SCN2A: variants seen among roughly 807,000 people sequenced by gnomAD.
SCN2A encodes sodium voltage-gated channel alpha subunit 2.
SCN2A carries 20 observed loss-of-function variants against 188.7 expected under a neutral mutation model. That is an observed-to-expected ratio of 0.11 (90% CI 0.07 to 0.15). The LOEUF (loss-of-function observed/expected upper bound fraction) is 0.15. SCN2A is among the 10% of genes least tolerant of loss of function. The pLI is 1.00. For missense variants in SCN2A, 1,278 were observed against 2,445.0 expected, an observed-to-expected ratio of 0.52 and a Z score of 10.07; for synonymous variants, 804 against 833.1, an observed-to-expected ratio of 0.97 and a Z score of 0.60.
chr2:165,314,956 A>G (rs1345463959), intron 10 of SCN2A, among the ~76,000 whole-genome samples: 1 of 152,168 alleles, frequency 6.6e-6, no homozygotes. Context: ...ACTCTGTATT[A>G]TGTCTTTGCT....
chr2:165,314,585 C>T (rs970680049), intron 10 of SCN2A, among the ~76,000 whole-genome samples: 1 of 152,138 alleles, frequency 6.6e-6, no homozygotes, highest in Admixed American at 6.5e-5. Flanking sequence ...AATATTTGTT[C>T]TCTTTTATAT....
intron 1 of SCN2A, chr2:165,267,049 G>A (rs570219846): frequency 3.3e-4 from 50 of 152,140 alleles, no homozygotes; most frequent in African/African-American, 1.2e-3. Context: ...CGAGTGGAAA[G>A]AATTAATGTT....
intron 25 of SCN2A, among the ~76,000 whole-genome samples, chr2:165,382,625 A>G (rs558919328): frequency 6.6e-6 from 1 of 152,272 alleles, no homozygotes; most frequent in South Asian, 2.1e-4. Context: ...CTGTTATGAA[A>G]CACAGGAAAA....
intron 13 of SCN2A, among the ~76,000 whole-genome samples, chr2:165,328,986 C>CTTTTTT (rs1269103949): frequency 3.2e-4 from 29 of 89,378 alleles, no homozygotes; most frequent in Admixed American, 1.1e-3. Context: ...TAAGATAGTC[C>CTTTTTT]TTTTTTTTTT....
chr2:165,246,465 C>A (rs1308652450), intron 1 of SCN2A, among the ~76,000 whole-genome samples: 5 of 152,120 alleles, frequency 3.3e-5, no homozygotes, highest in Admixed American at 6.6e-5. Flanking sequence ...ACATCCTACA[C>A]CACCTTTCTA....
chr2:165,335,030 A>G (rs1459133470), intron 14 of SCN2A, among the ~76,000 whole-genome samples: 1 of 151,700 alleles, frequency 6.6e-6, no homozygotes, highest in Non-Finnish European at 1.5e-5. Context: ...ATAATAAAAT[A>G]CTTAGGAATA....
intron 1 of SCN2A, among the ~76,000 whole-genome samples, chr2:165,243,331 A>C (rs768274564): frequency 1.3e-5 from 2 of 152,086 alleles, no homozygotes; most frequent in Non-Finnish European, 2.9e-5. Context: ...GGCCGGGTGC[A>C]GTGACTTATG....
chr2:165,331,021 G>A (rs2105292496), intron 13 of SCN2A, among the ~76,000 whole-genome samples: 1 of 152,246 alleles, frequency 6.6e-6, no homozygotes, highest in East Asian at 1.9e-4. Flanking sequence ...AGCTTTAAGT[G>A]TATGCAATGC....
At chr2:165,358,865 T>C (rs1700309311) in intron 17 of SCN2A, among the ~76,000 whole-genome samples, 1 of 152,102 alleles carries the variant, frequency 6.6e-6, no homozygotes, top group Non-Finnish European at 1.5e-5. Context: ...GCAATAAACG[T>C]AACATCATTC....
At chr2:165,256,067 G>A (rs745348311) in intron 1 of SCN2A, among the ~76,000 whole-genome samples, 11 of 144,096 alleles carry the variant, frequency 7.6e-5, no homozygotes, top group South Asian at 2.2e-4. Context: ...GTGCAGTGGC[G>A]CAGTCTCGGC....
intron 20 of SCN2A, 86 bp downstream of exon 20, chr2:165,370,385 G>A (rs1700963727): frequency 7.8e-7 from 1 of 1,276,284 alleles, no homozygotes; most frequent in Non-Finnish European, 1.1e-6. Context: ...TAGGCACTCA[G>A]TAACACTGTA....
intron 1 of SCN2A, among the ~76,000 whole-genome samples, chr2:165,264,726 T>G (rs1454724209): frequency 6.6e-6 from 1 of 152,142 alleles, no homozygotes; most frequent in Non-Finnish European, 1.5e-5. Flanking sequence ...ATATTTGGTT[T>G]TCTGTTCCTG....
chr2:165,267,941 C>A (rs963601125), intron 1 of SCN2A: 4 of 151,816 alleles, frequency 2.6e-5, no homozygotes, highest in African/African-American at 9.7e-5. Context: ...ATCAAAAGAA[C>A]AAAAGATAAG....
Position 165,297,133 on chromosome 2 carries a change from T to C in SCN2A, c.384T>C (p.His128=). The stretch of plus-strand genomic sequence containing the variant: ...AATTAGCTATTAAGATTTTGGTACA[T>C]TCATATCCTTTTTCAAATCGTCACT... ...IRKLAIKILV[H]SLFNMLIMCT... Residue 128 remains histidine, a splice_region_variant and synonymous_variant, in exon 3 of 27, where the codon CAT becomes CAC. Transcript: ENST00000375437. The C allele has an allele frequency of 6.7e-7, 1 of 1,491,550 alleles. No individual in the cohort carries two copies. Among genetic ancestry groups the C allele is most frequent in the Non-Finnish European group, 9.4e-7 (1 of 1,069,124 alleles). 92.4% of individuals were successfully genotyped at this position (1,491,550 alleles called of 1,614,324 possible). A position where few individuals can be genotyped will look rare whatever the true frequency, so the allele number is the denominator to read the frequency against.
chr2:165,389,459 G>T lies in SCN2A; in HGVS notation c.5653G>T (p.Ala1885Ser), dbSNP rs750952454. 6.2e-7 allele frequency: 1 copy of T among 1,613,788 alleles called. No homozygotes were observed. The highest frequency in any genetic ancestry group is 1.3e-5 in the African/African-American group (1 of 74,856). ...LRIQMEERFM[A>S]SNPSKVSYEP... ...AATACAGATGGAAGAGCGATTCATG[G>T]CATCAAACCCCTCCAAAGTCTCTTA... The change falls in exon 27 of 27, where the codon GCA (alanine) becomes TCA (serine). Residue 1885 changes from alanine (A) to serine (S), a missense_variant. This residue lies in a region of SCN2A where 54 missense variants were observed against 135.4 expected (regional missense o/e 0.40). Coordinates refer to ENST00000375437, the MANE Select transcript of SCN2A (RefSeq NM_001040142.2). This position sits in a 1 kb window ranked among gnomAD's most constrained non-coding sequence, Gnocchi z 4.2.
intron 16 of SCN2A, among the ~76,000 whole-genome samples, chr2:165,350,686 A>G (rs1207096777): frequency 3.2e-5 from 2 of 62,642 alleles, no homozygotes; most frequent in African/African-American, 1.4e-4. Context: ...TTTAGCCGGG[A>G]TGGTCTCGAT....
At chr2:165,368,443 G>A (rs6742483) in intron 19 of SCN2A, among the ~76,000 whole-genome samples, 43,992 of 152,032 alleles carry the variant, frequency 0.29, 6,687 homozygotes, top group Middle Eastern at 0.47. Context: ...CTTGAGGGTG[G>A]AGCCCTCGCC....
intron 26 of SCN2A, among the ~76,000 whole-genome samples, chr2:165,388,238 A>G (rs551046632): frequency 6.6e-6 from 1 of 152,204 alleles, no homozygotes; most frequent in East Asian, 1.9e-4. Flanking sequence ...AAAGTAAAGA[A>G]CTCTCATATT....
intron 17 of SCN2A, among the ~76,000 whole-genome samples, chr2:165,359,466 G>A (rs1283441760): frequency 1.3e-5 from 2 of 152,008 alleles, no homozygotes; most frequent in African/African-American, 4.8e-5. Flanking sequence ...AGTAAAGGTG[G>A]TAGAATAGAA....
Sources: gnomAD v4.1 joint callset for allele counts (sites outside exome capture counted in the v4.1 genomes callset) on GRCh38, gnomAD v4.1.1 for gene constraint, gnomAD v4.1.1 regional missense constraint, Gnocchi (gnomAD v3.1) non-coding constraint, MANE v1.5 for transcripts, NCBI Gene and HGNC (gene_info 2026-07-23, HGNC 2026-07-21) for gene names.